UBR2: variants seen among roughly 807,000 people sequenced by gnomAD.
UBR2 encodes E3 ubiquitin-protein ligase UBR2.
UBR2 carries 92 observed loss-of-function variants against 247.9 expected under a neutral mutation model. The observed-to-expected ratio is 0.37, with a 90% CI of 0.31 to 0.44. The LOEUF (loss-of-function observed/expected upper bound fraction) is 0.44, where lower values mean the gene tolerates loss of function less well. Among genes scored for constraint, UBR2 ranks in the 20% least tolerant of loss-of-function variants. UBR2 has a pLI of 1.00. For missense variants in UBR2, 1,613 were observed against 2,112.6 expected (o/e 0.76, Z 4.64); for synonymous variants, 672 against 693.5 (o/e 0.97, Z 0.49).
At chr6:42,663,551 A>C in intron 32 of UBR2, 132 bp downstream of exon 32, 1 of 928,540 alleles carries the variant, frequency 1.1e-6, no homozygotes, top group Non-Finnish European at 1.5e-6. Flanking sequence ...AACTCTAATC[A>C]TTTTCTTCTA....
At chr6:42,590,205 T>C (rs1012806874) in intron 2 of UBR2, among the ~76,000 whole-genome samples, 1 of 152,222 alleles carries the variant, frequency 6.6e-6, no homozygotes, top group African/African-American at 2.4e-5. Context: ...TACAAGGGTA[T>C]ATGATTGTAA....
chr6:42,642,607 C>A, intron 18 of UBR2, 126 bp downstream of exon 18: 1 of 707,978 alleles, frequency 1.4e-6, no homozygotes, highest in African/African-American at 1.8e-5. Context: ...GTCTCCTCAG[C>A]TCCAAACTCA....
At chr6:42,635,145 A>G (rs1430743358) in intron 13 of UBR2, among the ~76,000 whole-genome samples, 2 of 152,192 alleles carry the variant, frequency 1.3e-5, no homozygotes, top group Non-Finnish European at 2.9e-5. Context: ...GCAGTGAAAT[A>G]TTGAAGTATT....
intron 42 of UBR2, among the ~76,000 whole-genome samples, chr6:42,682,792 AG>A (rs973647837): frequency 2.8e-4 from 43 of 152,216 alleles, no homozygotes; most frequent in Non-Finnish European, 3.4e-4. Flanking sequence ...AATATAGACT[AG>A]TTTTTCTAGA....
intron 41 of UBR2, 41 bp downstream of exon 41, chr6:42,678,710 A>G: frequency 6.3e-7 from 1 of 1,583,838 alleles, no homozygotes; most frequent in Non-Finnish European, 8.6e-7. Flanking sequence ...AGAGTTAGTA[A>G]TCCTTTACTC....
intron 11 of UBR2, among the ~76,000 whole-genome samples, chr6:42,628,219 T>C (rs891669447): frequency 2.0e-5 from 3 of 152,046 alleles, no homozygotes; most frequent in African/African-American, 7.2e-5. Context: ...TTGTTGGAAA[T>C]GTTGGTCATC....
chr6:42,640,001 C>T (rs1238045608), intron 15 of UBR2, among the ~76,000 whole-genome samples: 3 of 151,902 alleles, frequency 2.0e-5, no homozygotes, highest in African/African-American at 4.8e-5. Context: ...GCACTCCAGC[C>T]GGGTGACAGA....
chr6:42,686,352 C>T (rs1296589840), intron 44 of UBR2, among the ~76,000 whole-genome samples: 1 of 151,308 alleles, frequency 6.6e-6, no homozygotes, highest in Non-Finnish European at 1.5e-5. Flanking sequence ...TCCATTTAAC[C>T]CTTAGTGGAC....
chr6:42,633,300 T>C (rs1444003461), intron 13 of UBR2, among the ~76,000 whole-genome samples: 1 of 152,138 alleles, frequency 6.6e-6, no homozygotes, highest in East Asian at 1.9e-4. Context: ...TCCTCTTTAA[T>C]TGGAAATTCT....
At chr6:42,677,534 T>G (rs1266887819) in intron 40 of UBR2, among the ~76,000 whole-genome samples, 1 of 152,086 alleles carries the variant, frequency 6.6e-6, no homozygotes, top group Non-Finnish European at 1.5e-5. Flanking sequence ...TCCCAGCACT[T>G]TGGGAGAATG....
At chr6:42,681,334 C>G (rs1175549976) in intron 42 of UBR2, among the ~76,000 whole-genome samples, 2 of 152,072 alleles carry the variant, frequency 1.3e-5, no homozygotes, top group African/African-American at 4.8e-5. Context: ...CCATTCCACT[C>G]CAGCCTGGAT....
intron 22 of UBR2, among the ~76,000 whole-genome samples, chr6:42,648,550 A>G (rs1796920164): frequency 6.6e-6 from 1 of 152,208 alleles, no homozygotes; most frequent in Non-Finnish European, 1.5e-5. Flanking sequence ...CACCTTCTCC[A>G]GTGTCCACAG....
chr6:42,612,146 T>C, intron 7 of UBR2, 25 bp from the exon 8 acceptor site: 1 of 1,486,814 alleles, frequency 6.7e-7, no homozygotes, highest in Non-Finnish European at 9.1e-7. Context: ...AAGTTAATTT[T>C]TAAATCTTGC....
At chr6:42,663,782 T>G (rs749755385) in intron 32 of UBR2, among the ~76,000 whole-genome samples, 4 of 152,106 alleles carry the variant, frequency 2.6e-5, no homozygotes, top group African/African-American at 4.8e-5. Context: ...AGTCTAAAAA[T>G]CGAATAAAAC....
chr6:42,565,489 G>T (rs1241661186), intron 1 of UBR2, among the ~76,000 whole-genome samples: 1 of 152,224 alleles, frequency 6.6e-6, no homozygotes, highest in African/African-American at 2.4e-5. Context: ...AATGTCAGGA[G>T]TAGAGGTGAA....
intron 2 of UBR2, among the ~76,000 whole-genome samples, chr6:42,582,931 G>A (rs1792004619): frequency 6.6e-6 from 1 of 151,692 alleles, no homozygotes; most frequent in African/African-American, 2.4e-5. Context: ...GATTTTCCAT[G>A]TGCTTATTGC....
chr6:42,670,392 C>A, intron 35 of UBR2, 152 bp downstream of exon 35: 1 of 1,022,948 alleles, frequency 9.8e-7, no homozygotes, highest in Non-Finnish European at 1.4e-6. Context: ...AATGTACTGA[C>A]AAAATACTAG....
At chr6:42,571,508 C>T (rs889929831) in intron 1 of UBR2, among the ~76,000 whole-genome samples, 3 of 151,738 alleles carry the variant, frequency 2.0e-5, no homozygotes, top group African/African-American at 7.3e-5. Flanking sequence ...TTTGGGAGGC[C>T]GAGGTGGGCA....
At chr6:42,592,889 A>G (rs1792755235) in intron 3 of UBR2, among the ~76,000 whole-genome samples, 1 of 152,128 alleles carries the variant, frequency 6.6e-6, no homozygotes, top group African/African-American at 2.4e-5. Flanking sequence ...TAAAACAGCT[A>G]CGGGGCCGGG....
Sources: allele counts gnomAD v4.1 joint callset (sites outside exome capture counted in the v4.1 genomes callset), GRCh38; gene constraint gnomAD v4.1.1; transcripts MANE v1.5; gene names NCBI Gene and HGNC (gene_info 2026-07-23, HGNC 2026-07-21).